Variants in CNOT6 observed in about 807,000 individuals in gnomAD.
CNOT6 encodes CCR4-NOT transcription complex subunit 6.
In CNOT6, 12 loss-of-function variants were observed where a neutral mutation model predicts 61.2. That is an observed-to-expected ratio of 0.20 (90% CI 0.13 to 0.32). The LOEUF (loss-of-function observed/expected upper bound fraction) is 0.32. CNOT6 is among the 10% of genes least tolerant of loss of function. The pLI is 1.00. For synonymous variants in CNOT6, 225 were observed against 240.6 expected (o/e 0.94, Z 0.60); for missense variants, 405 against 663.9 (o/e 0.61, Z 4.28).
chr5:180,552,887 T>C lies in CNOT6; in HGVS notation c.300-499T>C, dbSNP rs546926332. 2.2e-4 allele frequency among the ~76,000 whole-genome samples: 34 copies of C among 152,364 alleles called. No individual in the cohort carries two copies. In the East Asian group the frequency reaches 6.4e-3, roughly 29 times the overall value. On this transcript the variant is annotated intron_variant, in intron 3 of 11. Coordinates refer to ENST00000261951, the MANE Select transcript of CNOT6 (RefSeq NM_001370472.1). ...TTGATAGCAATCATAAGCTTAATTATGCAGCTGTTACGAGCTCTTTTGAGT... is the reference window on the plus strand; with the variant it reads ...TTGATAGCAATCATAAGCTTAATTACGCAGCTGTTACGAGCTCTTTTGAGT...
intron 1 of CNOT6, among the ~76,000 whole-genome samples, chr5:180,518,043 G>A (rs888673076): frequency 6.6e-6 from 1 of 152,028 alleles, no homozygotes; most frequent in Non-Finnish European, 1.5e-5. Flanking sequence ...TAGTAGTTTC[G>A]TCTTTTACAT....
intron 11 of CNOT6, among the ~76,000 whole-genome samples, chr5:180,573,392 G>A (rs1001727445): frequency 3.9e-5 from 6 of 152,120 alleles, no homozygotes; most frequent in Non-Finnish European, 7.3e-5. Context: ...CCATTAGCAA[G>A]GGAAGTGAAT....
At chr5:180,519,862 T>G (rs578051715) in intron 1 of CNOT6, among the ~76,000 whole-genome samples, 1 of 147,608 alleles carries the variant, frequency 6.8e-6, no homozygotes, top group African/African-American at 2.5e-5. Flanking sequence ...TGAAAAGGAA[T>G]CTCGCTCTAT....
intron 2 of CNOT6, among the ~76,000 whole-genome samples, chr5:180,540,805 A>T (rs1418685973): frequency 6.6e-6 from 1 of 152,136 alleles, no homozygotes; most frequent in Non-Finnish European, 1.5e-5. Context: ...TTATTTCTCC[A>T]TATGGTGTAA....
chr5:180,496,981 A>G (rs1176449493), intron 1 of CNOT6, among the ~76,000 whole-genome samples: 1 of 152,242 alleles, frequency 6.6e-6, no homozygotes, highest in African/African-American at 2.4e-5. Context: ...GGTCCTAACT[A>G]CAAATGTGTA....
At chr5:180,573,896 C>T in intron 11 of CNOT6, 92 bp from the exon 12 acceptor site, 2 of 856,952 alleles carry the variant, frequency 2.3e-6, no homozygotes, top group South Asian at 3.0e-5. Flanking sequence ...CTGTTCTGTT[C>T]ACCAAACATG....
At chr5:180,549,507 G>A (rs571058721) in intron 2 of CNOT6, among the ~76,000 whole-genome samples, 6 of 152,124 alleles carry the variant, frequency 3.9e-5, no homozygotes, top group South Asian at 4.2e-4. Flanking sequence ...AAAATTAGCC[G>A]GGCATGGTGG....
intron 11 of CNOT6, 90 bp downstream of exon 11, chr5:180,571,522 T>C: frequency 1.1e-6 from 1 of 927,236 alleles, no homozygotes; most frequent in Non-Finnish European, 1.7e-6. Flanking sequence ...TGTGGCTGTG[T>C]GTTCAGGCTG....
At chr5:180,541,559 T>C (rs1478921942) in intron 2 of CNOT6, among the ~76,000 whole-genome samples, 9 of 145,600 alleles carry the variant, frequency 6.2e-5, no homozygotes, top group African/African-American at 2.0e-4. Flanking sequence ...TCACAGCATT[T>C]TCCTGCCTCA....
chr5:180,512,757 C>T (rs572183658), intron 1 of CNOT6, among the ~76,000 whole-genome samples: 6 of 151,996 alleles, frequency 3.9e-5, no homozygotes, highest in South Asian at 2.1e-4. Flanking sequence ...CCACCATGCC[C>T]GGCTAATTTT....
At chr5:180,563,711 G>A (rs1760307285) in intron 4 of CNOT6, among the ~76,000 whole-genome samples, 1 of 152,182 alleles carries the variant, frequency 6.6e-6, no homozygotes, top group African/African-American at 2.4e-5. Flanking sequence ...AAATGGCGCT[G>A]TGGCATCCAG....
chr5:180,531,147 C>T (rs966426921), intron 2 of CNOT6, among the ~76,000 whole-genome samples: 11 of 125,288 alleles, frequency 8.8e-5, no homozygotes, highest in African/African-American at 2.0e-4. Context: ...GGCGGCTGGG[C>T]GGAGGCGCCC....
At chr5:180,500,173 A>G (rs981311246) in intron 1 of CNOT6, among the ~76,000 whole-genome samples, 1 of 150,302 alleles carries the variant, frequency 6.7e-6, no homozygotes, top group Non-Finnish European at 1.5e-5. Flanking sequence ...ACTCTGTGTC[A>G]CCCAGGCTGG....
intron 1 of CNOT6, among the ~76,000 whole-genome samples, chr5:180,504,105 C>T (rs562724495): frequency 6.6e-6 from 1 of 152,234 alleles, no homozygotes; most frequent in African/African-American, 2.4e-5. Context: ...GGATCAAAAA[C>T]CTCCCAAGAG....
chr5:180,530,504 A>G (rs895484333), intron 2 of CNOT6, among the ~76,000 whole-genome samples: 35 of 151,820 alleles, frequency 2.3e-4, no homozygotes, highest in Admixed American at 2.3e-3. Context: ...CTGCCTTTGC[A>G]GCCATAGTAG....
At chr5:180,506,003 C>G (rs940303118) in intron 1 of CNOT6, among the ~76,000 whole-genome samples, 2 of 152,110 alleles carry the variant, frequency 1.3e-5, no homozygotes, top group Non-Finnish European at 2.9e-5. Flanking sequence ...AAATGAGGGG[C>G]TCATGATCCC....
At chr5:180,508,833 A>ATTT (rs61361377) in intron 1 of CNOT6, among the ~76,000 whole-genome samples, 4,102 of 145,868 alleles carry the variant, frequency 0.028, 155 homozygotes, top group African/African-American at 0.085. Flanking sequence ...TATTATTATT[A>ATTT]TTTTTTTTTG....
intron 3 of CNOT6, among the ~76,000 whole-genome samples, chr5:180,552,358 G>A (rs1316800448): frequency 2.6e-5 from 4 of 151,676 alleles, no homozygotes; most frequent in Non-Finnish European, 5.9e-5. Flanking sequence ...GTGACAAATA[G>A]GCTGGGCACG....
At chr5:180,509,472 T>G (rs1299370393) in intron 1 of CNOT6, among the ~76,000 whole-genome samples, 1 of 151,850 alleles carries the variant, frequency 6.6e-6, no homozygotes, top group Non-Finnish European at 1.5e-5. Context: ...AGATGGAGTT[T>G]TGCTCTTGTT....
Sources: allele counts gnomAD v4.1 joint callset (sites outside exome capture counted in the v4.1 genomes callset), GRCh38; gene constraint gnomAD v4.1.1; transcripts MANE v1.5; gene names NCBI Gene and HGNC (gene_info 2026-07-23, HGNC 2026-07-21).